Variants in LRRC7 observed in about 807,000 individuals in gnomAD.
The protein encoded by LRRC7 is leucine-rich repeat-containing protein 7.
A neutral mutation model predicts 175.7 loss-of-function variants in LRRC7; 23 were observed. That is an observed-to-expected ratio of 0.13 (90% CI 0.09 to 0.19). LRRC7 has a LOEUF of 0.19. Among genes scored for constraint, LRRC7 ranks in the 10% least tolerant of loss-of-function variants. The pLI is 1.00. For synonymous variants in LRRC7, 685 were observed against 680.9 expected (o/e 1.01, Z -0.09); for missense variants, 1,354 against 1,904.7 (o/e 0.71, Z 5.38).
chr1:69,782,041 T>C (rs770764420), intron 3 of LRRC7, among the ~76,000 whole-genome samples: 1 of 152,214 alleles, frequency 6.6e-6, no homozygotes, highest in South Asian at 2.1e-4. Context: ...TTGCTAGCAA[T>C]ATGACCTTGT....
intron 7 of LRRC7, among the ~76,000 whole-genome samples, chr1:69,906,263 A>G (rs1417845742): frequency 2.0e-5 from 3 of 152,112 alleles, no homozygotes; most frequent in Admixed American, 6.5e-5. Flanking sequence ...CTTTAGTTTA[A>G]TTAGATCCCA....
chr1:69,860,012 A>G (rs1167212778), intron 7 of LRRC7, among the ~76,000 whole-genome samples: 3 of 151,934 alleles, frequency 2.0e-5, no homozygotes, highest in African/African-American at 7.2e-5. Context: ...CTTTTTTCCC[A>G]GTGGTTTCCA....
At chr1:69,627,150 C>T (rs1307317031) in intron 1 of LRRC7, among the ~76,000 whole-genome samples, 2 of 152,198 alleles carry the variant, frequency 1.3e-5, no homozygotes, top group Non-Finnish European at 2.9e-5. Flanking sequence ...AATCACCACA[C>T]TGACTTCCAT....
chr1:69,787,348 C>A (rs1023492882), intron 3 of LRRC7, among the ~76,000 whole-genome samples: 1 of 152,154 alleles, frequency 6.6e-6, no homozygotes, highest in African/African-American at 2.4e-5. Context: ...GGGATGGTGG[C>A]CCTCTTCTCA....
chr1:70,002,116 CT>C (rs1156750952), intron 11 of LRRC7, among the ~76,000 whole-genome samples: 1 of 152,108 alleles, frequency 6.6e-6, no homozygotes, highest in Non-Finnish European at 1.5e-5. Flanking sequence ...CAGACTGAGC[CT>C]TATGTTCTTA....
At chr1:69,889,503 T>C (rs1286188069) in intron 7 of LRRC7, among the ~76,000 whole-genome samples, 1 of 152,174 alleles carries the variant, frequency 6.6e-6, no homozygotes, top group Non-Finnish European at 1.5e-5. Context: ...CAGGAGTAGA[T>C]TCCATCTCAA....
At position 70,007,947 on chromosome 1, in the gene LRRC7, G is replaced by A. The variant is rs367802074; in HGVS notation, c.1005-3850G>A. 4.5e-4 allele frequency among the ~76,000 whole-genome samples: 69 copies of A among 152,192 alleles called. 1 individual carries two copies. The highest frequency in any genetic ancestry group is 1.5e-3 in the African/African-American group (64 of 41,522). On this transcript the variant is annotated intron_variant, in intron 11 of 26. Coordinates refer to ENST00000651989, the MANE Select transcript of LRRC7 (RefSeq NM_001370785.2). ...CTATTTCTTGTATGATTTCATTTACGTTAGATTCAAATTTATTTGTACAAT... is the reference window on the plus strand; with the variant it reads ...CTATTTCTTGTATGATTTCATTTACATTAGATTCAAATTTATTTGTACAAT...
chr1:70,031,333 A>G (rs1454854161), intron 18 of LRRC7: 1 of 152,224 alleles, frequency 6.6e-6, no homozygotes, highest in Non-Finnish European at 1.5e-5. Context: ...TTAGATATTC[A>G]TTGAAATCAA....
At chr1:70,001,886 G>A (rs1655568905) in intron 11 of LRRC7, among the ~76,000 whole-genome samples, 2 of 152,048 alleles carry the variant, frequency 1.3e-5, no homozygotes, top group Admixed American at 1.3e-4. Flanking sequence ...TTTACTTAAA[G>A]GCCTCATTAG....
At chr1:70,089,855 G>A in intron 25 of LRRC7, 36 bp downstream of exon 25, 1 of 1,391,638 alleles carries the variant, frequency 7.2e-7, no homozygotes, top group Non-Finnish European at 1.0e-6. Flanking sequence ...ATATTAATTA[G>A]AAAAATACTA....
intron 4 of LRRC7, among the ~76,000 whole-genome samples, chr1:69,804,037 G>A (rs745752211): frequency 7.9e-5 from 12 of 151,214 alleles, no homozygotes; most frequent in Non-Finnish European, 1.6e-4. Flanking sequence ...TTCTACTGCA[G>A]CTATCATTAT....
chr1:69,979,567 C>A (rs976703514), intron 8 of LRRC7, among the ~76,000 whole-genome samples: 2 of 152,054 alleles, frequency 1.3e-5, no homozygotes, highest in African/African-American at 2.4e-5. Context: ...ATAAATATTT[C>A]TCTCCCCTAG....
intron 25 of LRRC7, among the ~76,000 whole-genome samples, chr1:70,102,883 A>G (rs1248711024): frequency 1.3e-5 from 2 of 152,140 alleles, no homozygotes; most frequent in African/African-American, 2.4e-5. Flanking sequence ...CTCAAGAGCT[A>G]TGCTCTTGAC....
At chr1:69,919,518 G>T in intron 7 of LRRC7, 1 of 825,752 alleles carries the variant, frequency 1.2e-6, no homozygotes. Flanking sequence ...AGCCCGCCAG[G>T]GTCCGCCGCT....
intron 4 of LRRC7, among the ~76,000 whole-genome samples, chr1:69,812,371 A>G (rs1238234348): frequency 6.6e-6 from 1 of 152,106 alleles, no homozygotes; most frequent in Non-Finnish European, 1.5e-5. Context: ...CAGTTTCTTC[A>G]TTAGTTAAAT....
rs369229927 is a variant in LRRC7 at position 69,760,180 on chromosome 1, C to T, written c.101-11C>T. ...GCTGTTTTGTTTTGTTTTGTTTCTG[C>T]GTTTCTCTAGTGCAGTGCCTGGAGA... On this transcript the variant is annotated splice_polypyrimidine_tract_variant and intron_variant, in intron 2 of 26. Coordinates refer to ENST00000651989, the MANE Select transcript of LRRC7 (RefSeq NM_001370785.2). 2.7e-5 allele frequency: 43 copies of T among 1,610,354 alleles called. No individual in the cohort carries two copies. Among genetic ancestry groups the T allele is most frequent in the South Asian group, 2.6e-4 (24 of 90,974 alleles).
intron 3 of LRRC7, among the ~76,000 whole-genome samples, chr1:69,771,411 T>G (rs947677759): frequency 1.3e-5 from 2 of 152,202 alleles, no homozygotes; most frequent in African/African-American, 4.8e-5. Context: ...AATGAGAAAC[T>G]GACATCTGTA....
intron 4 of LRRC7, among the ~76,000 whole-genome samples, chr1:69,820,188 C>CTT (rs1273881765): frequency 6.6e-6 from 1 of 151,434 alleles, no homozygotes; most frequent in Admixed American, 6.6e-5. Context: ...TTCTGTGTAT[C>CTT]TACTATAGGT....
intron 8 of LRRC7, among the ~76,000 whole-genome samples, chr1:69,940,183 G>T (rs1429333594): frequency 6.6e-6 from 1 of 152,062 alleles, no homozygotes; most frequent in Admixed American, 6.6e-5. Context: ...GGATCAAATT[G>T]GGGTCTCCAC....
Sources: gnomAD v4.1 joint callset for allele counts (sites outside exome capture counted in the v4.1 genomes callset) on GRCh38, gnomAD v4.1.1 for gene constraint, MANE v1.5 for transcripts, NCBI Gene and HGNC (gene_info 2026-07-23, HGNC 2026-07-21) for gene names.